The following GRIA1 variants were observed in gnomAD, a reference collection of about 807,000 sequenced individuals.
The protein encoded by GRIA1 is glutamate ionotropic receptor AMPA type subunit 1, also known as glutamate receptor 1.
In GRIA1, 31 loss-of-function variants were observed where a neutral mutation model predicts 99.2. The ratio of observed to expected loss-of-function variants is 0.31; its 90% CI spans 0.23 to 0.42. The LOEUF is 0.42. GRIA1 is among the 10% of genes least tolerant of loss of function. The pLI is 1.00. For synonymous variants in GRIA1, 438 were observed against 432.4 expected, an observed-to-expected ratio of 1.01 and a Z score of -0.16; for missense variants, 782 against 1,157.5, an observed-to-expected ratio of 0.68 and a Z score of 4.71.
rs71575151 is a variant in GRIA1, at chr5:153,650,896, T to TAAAAAAAAAAAAAAA, written c.645+393_645+407dup. 7.1e-5 allele frequency among the ~76,000 whole-genome samples: 5 copies of TAAAAAAAAAAAAAAA among 70,146 alleles called. 2 individuals carry two copies. The highest frequency in any genetic ancestry group is 3.8e-4 in the Admixed American group (2 of 5,318). 46.0% of individuals were successfully genotyped at this position (70,146 alleles called of 152,430 possible). ...CAACATGGTGAAACCCTGTCTCCAC[T>TAAAAAAAAAAAAAAA]AAAAAAAAAAAAAAAAAAAAAAAAA... On this transcript the variant is annotated intron_variant, in intron 4 of 15. Coordinates refer to ENST00000285900, the MANE Select transcript of GRIA1 (RefSeq NM_000827.4).
chr5:153,717,189 G>C (rs1759724904), intron 11 of GRIA1, among the ~76,000 whole-genome samples: 1 of 152,174 alleles, frequency 6.6e-6, no homozygotes, highest in South Asian at 2.1e-4. Context: ...ACCAAGGGTT[G>C]CACAAAACCC....
At chr5:153,553,639 C>T (rs566187140) in intron 2 of GRIA1, among the ~76,000 whole-genome samples, 10 of 152,262 alleles carry the variant, frequency 6.6e-5, no homozygotes, top group African/African-American at 2.2e-4. Context: ...TCCATGCTCA[C>T]GTGAGGCATT....
intron 11 of GRIA1, among the ~76,000 whole-genome samples, chr5:153,734,271 G>T (rs1427781446): frequency 6.6e-6 from 1 of 152,154 alleles, no homozygotes; most frequent in African/African-American, 2.4e-5. Flanking sequence ...CTCATAGCAG[G>T]TGCTCAATAA....
At chr5:153,810,334 T>C (rs1170169772) in intron 15 of GRIA1, among the ~76,000 whole-genome samples, 1 of 152,232 alleles carries the variant, frequency 6.6e-6, no homozygotes, top group Non-Finnish European at 1.5e-5. Flanking sequence ...ACATGTTCCT[T>C]TCCAATTAGA....
intron 2 of GRIA1, among the ~76,000 whole-genome samples, chr5:153,539,665 C>G (rs1471228637): frequency 6.6e-6 from 1 of 152,144 alleles, no homozygotes; most frequent in Non-Finnish European, 1.5e-5. Flanking sequence ...GCAAGCTGCA[C>G]CTGAATTTTC....
At position 153,698,896 on chromosome 5, in the gene GRIA1, C is replaced by A; in HGVS notation, c.1275C>A (p.Asn425Lys). The change falls in exon 10 of 16, where the codon AAC becomes AAA. Residue 425 changes from asparagine to lysine, a missense_variant. Around this residue, in one of 5 missense-constraint regions of GRIA1, gnomAD observed 87 missense variants for 184.5 expected, o/e 0.47. Coordinates refer to ENST00000285900, the MANE Select transcript of GRIA1 (RefSeq NM_000827.4). The part of the protein sequence containing the change: ...LEDPYVMLKK[N>K]ANQFEGNDRY... ...ATCCTTATGTGATGCTCAAGAAGAA[C>A]GCCAATCAGTTTGAGGGCAATGACC... 6.2e-7 allele frequency: 1 copy of A among 1,613,184 alleles called. No homozygotes were observed. Among genetic ancestry groups the A allele is most frequent in the Non-Finnish European group, 8.5e-7 (1 of 1,179,136 alleles).
chr5:153,494,104 C>G, intron 2 of GRIA1, 39 bp downstream of exon 2: 1 of 1,599,960 alleles, frequency 6.3e-7, no homozygotes, highest in Non-Finnish European at 8.5e-7. Context: ...TCTTTCTGCG[C>G]TAGACCAATG....
chr5:153,574,026 AAAT>A (rs1250912681), intron 2 of GRIA1, among the ~76,000 whole-genome samples: 1 of 152,204 alleles, frequency 6.6e-6, no homozygotes, highest in Non-Finnish European at 1.5e-5. Flanking sequence ...AGCTGCCTTA[AAAT>A]AAAAACATTC....
chr5:153,523,647 G>A (rs1367308878), intron 2 of GRIA1, among the ~76,000 whole-genome samples: 2 of 152,046 alleles, frequency 1.3e-5, no homozygotes, highest in Non-Finnish European at 2.9e-5. Flanking sequence ...CCATGTTCTC[G>A]AGCTCCTTGC....
chr5:153,525,509 AAG>A (rs1032457538), intron 2 of GRIA1: 16 of 152,090 alleles, frequency 1.1e-4, no homozygotes, highest in African/African-American at 3.4e-4. Flanking sequence ...AAAAATAAAA[AAG>A]AGTATAAAAT....
intron 11 of GRIA1, among the ~76,000 whole-genome samples, chr5:153,757,648 AG>A (rs1417387647): frequency 1.3e-5 from 2 of 152,324 alleles, no homozygotes; most frequent in East Asian, 3.9e-4. Context: ...GTGATATATT[AG>A]GAGTACTGAA....
chr5:153,593,144 G>A (rs185011136), intron 2 of GRIA1, among the ~76,000 whole-genome samples: 64 of 152,266 alleles, frequency 4.2e-4, no homozygotes, highest in African/African-American at 1.2e-3. Context: ...ACACATGCCC[G>A]TAGTCGCAGC....
chr5:153,800,265 A>G (rs1765921466), intron 14 of GRIA1, among the ~76,000 whole-genome samples: 3 of 151,816 alleles, frequency 2.0e-5, no homozygotes, highest in South Asian at 2.1e-4. Context: ...CCCCACCCCT[A>G]CCCCTGTTTA....
intron 2 of GRIA1, among the ~76,000 whole-genome samples, chr5:153,549,081 A>G (rs1759879965): frequency 6.6e-6 from 1 of 152,208 alleles, no homozygotes; most frequent in Admixed American, 6.5e-5. Flanking sequence ...TTAGGTAGCA[A>G]ACAGCTCTGA....
chr5:153,682,952 C>T (rs765781956), intron 7 of GRIA1, among the ~76,000 whole-genome samples: 1 of 152,224 alleles, frequency 6.6e-6, no homozygotes, highest in Non-Finnish European at 1.5e-5. Context: ...TGAGCTGGCA[C>T]CCAGTACCCT....
At chr5:153,663,347 C>G (rs1755510292) in intron 5 of GRIA1, among the ~76,000 whole-genome samples, 1 of 152,248 alleles carries the variant, frequency 6.6e-6, no homozygotes, top group Non-Finnish European at 1.5e-5. Context: ...TTGGGCCACA[C>G]TGCCCAAACT....
chr5:153,545,403 G>A (rs1228130799), intron 2 of GRIA1, among the ~76,000 whole-genome samples: 1 of 152,160 alleles, frequency 6.6e-6, no homozygotes, highest in East Asian at 1.9e-4. Flanking sequence ...GATGTCTTCA[G>A]GGACTGGGGG....
At chr5:153,631,786 G>GTTC (rs1752986461) in intron 2 of GRIA1, among the ~76,000 whole-genome samples, 1 of 152,140 alleles carries the variant, frequency 6.6e-6, no homozygotes, top group African/African-American at 2.4e-5. Flanking sequence ...TTTGAGTAAA[G>GTTC]TTCTGTGAAG....
intron 2 of GRIA1, among the ~76,000 whole-genome samples, chr5:153,587,882 A>T (rs1039656760): frequency 1.3e-5 from 2 of 152,348 alleles, no homozygotes; most frequent in African/African-American, 4.8e-5. Context: ...GGATAATGCC[A>T]CTGTGATGAA....
Sources: allele counts gnomAD v4.1 joint callset (sites outside exome capture counted in the v4.1 genomes callset), GRCh38; gene constraint gnomAD v4.1.1; regional missense constraint gnomAD v4.1.1; transcripts MANE v1.5; gene names NCBI Gene and HGNC (gene_info 2026-07-23, HGNC 2026-07-21).